The following UGT1A8 variants were observed in gnomAD, a reference collection of about 807,000 sequenced individuals.
UGT1A8 encodes the protein UDP-glucuronosyltransferase 1A8.
In UGT1A8, 39 loss-of-function variants were observed where a neutral mutation model predicts 45.3. The ratio of observed to expected loss-of-function variants is 0.86; its 90% CI spans 0.67 to 1.12. The LOEUF is 1.12. UGT1A8 is among the 50% of genes most tolerant of loss of function. The probability of loss-of-function intolerance (pLI) is 0.00; values close to 1 mark genes in which losing one functional copy is unlikely to be tolerated. For missense variants in UGT1A8, 719 were observed against 664.9 expected (o/e 1.08, Z -0.90); for synonymous variants, 275 against 249.2 (o/e 1.10, Z -0.97).
intron 4 of UGT1A8, among the ~76,000 whole-genome samples, chr2:233,772,038 A>G (rs892272267): frequency 1.3e-5 from 2 of 152,202 alleles, no homozygotes; most frequent in African/African-American, 4.8e-5. Flanking sequence ...GCTTGAGCCC[A>G]GGAGTTGGAG....
intron 1 of UGT1A8, among the ~76,000 whole-genome samples, chr2:233,627,956 A>T (rs1177156453): frequency 6.6e-6 from 1 of 152,020 alleles, no homozygotes; most frequent in African/African-American, 2.4e-5. Context: ...CATGCAATTT[A>T]TTGGAGAGAT....
intron 1 of UGT1A8, among the ~76,000 whole-genome samples, chr2:233,717,100 T>TAAATAAAACACCACTACATGG: frequency 6.6e-6 from 1 of 152,062 alleles, no homozygotes. Flanking sequence ...CATCACTATC[T>TAAATAAAACACCACTACATGG]AAATAAAACA....
intron 1 of UGT1A8, chr2:233,693,716 AAG>A (rs772582251): frequency 6.2e-7 from 1 of 1,614,204 alleles, no homozygotes; most frequent in Non-Finnish European, 8.5e-7. Flanking sequence ...AGCTGTCCTC[AAG>A]AGAGATGTGG....
intron 1 of UGT1A8, among the ~76,000 whole-genome samples, chr2:233,710,213 G>A (rs1438466149): frequency 6.6e-6 from 1 of 152,160 alleles, no homozygotes; most frequent in Non-Finnish European, 1.5e-5. Flanking sequence ...TGGCTATTAT[G>A]AATAAAGCTG....
Position 233,647,066 on chromosome 2 carries a change from C to T in UGT1A8, c.855+28504C>T, listed in dbSNP as rs539623098. Among the ~76,000 whole-genome samples the T allele has an allele frequency of 1.3e-4, 20 of 152,288 alleles. No homozygotes were observed. The South Asian group carries it at 1.4e-3, about 11-fold the overall frequency. On this transcript the variant is annotated intron_variant, in intron 1 of 4. Transcript: ENST00000373450. ...AAGTCACATCCTCCATGGATGGCAG[C>T]AGGCAAAGAAAGAGAGCTTGTGCAG...
At chr2:233,729,259 C>A (rs45625338) in intron 1 of UGT1A8, 1 of 1,613,960 alleles carries the variant, frequency 6.2e-7, no homozygotes, top group Admixed American at 1.7e-5. Context: ...GCTCAGCATG[C>A]GGGAGGTCTT....
chr2:233,729,177 G>C, intron 1 of UGT1A8: 1 of 1,613,894 alleles, frequency 6.2e-7, no homozygotes, highest in Non-Finnish European at 8.5e-7. Flanking sequence ...CAGGACTGCT[G>C]CTTCTCCTCA....
chr2:233,733,547 C>T (rs1401564261), intron 1 of UGT1A8, among the ~76,000 whole-genome samples: 1 of 152,178 alleles, frequency 6.6e-6, no homozygotes, highest in African/African-American at 2.4e-5. Context: ...AAGGCCTTTT[C>T]TGCATCTGTT....
chr2:233,637,723 C>T (rs1486945110), intron 1 of UGT1A8, among the ~76,000 whole-genome samples: 1 of 152,070 alleles, frequency 6.6e-6, no homozygotes, highest in East Asian at 1.9e-4. Flanking sequence ...GTTTTGTGTA[C>T]ATTCTTTTCA....
At chr2:233,660,490 C>T (rs1389816097) in intron 1 of UGT1A8, among the ~76,000 whole-genome samples, 1 of 152,102 alleles carries the variant, frequency 6.6e-6, no homozygotes, top group East Asian at 1.9e-4. Flanking sequence ...AGAGACAAAG[C>T]GTTGGTTTTC....
chr2:233,682,799 T>A (rs749393372), intron 1 of UGT1A8: 1 of 1,609,822 alleles, frequency 6.2e-7, no homozygotes. Flanking sequence ...TATGGTAAGT[T>A]ATCTCCCCTT....
chr2:233,772,436 T>G lies in UGT1A8; in HGVS notation c.1470T>G (p.Gly490=). 6.2e-7 allele frequency: 1 copy of G among 1,614,180 alleles called. No individual in the cohort carries two copies. Among genetic ancestry groups the G allele is most frequent in the Non-Finnish European group, 8.5e-7 (1 of 1,180,036 alleles). Residue 490 remains glycine, a synonymous_variant, in exon 5 of 5, where the codon GGT becomes GGG. Coordinates refer to ENST00000373450, the MANE Select transcript of UGT1A8 (RefSeq NM_019076.5). ...AGTACCATTCCTTGGACGTGATTGGTTTCCTCTTGGCCGTCGTGCTGACAG... is the reference window on the plus strand; with the variant it reads ...AGTACCATTCCTTGGACGTGATTGGGTTCCTCTTGGCCGTCGTGCTGACAG... ...WYQYHSLDVI[G]FLLAVVLTVA...
chr2:233,715,631 G>A (rs1191605021), intron 1 of UGT1A8, among the ~76,000 whole-genome samples: 3 of 151,978 alleles, frequency 2.0e-5, no homozygotes, highest in Non-Finnish European at 4.4e-5. Context: ...AATTATCCAG[G>A]TGTGATGGTG....
intron 1 of UGT1A8, among the ~76,000 whole-genome samples, chr2:233,698,808 C>T (rs1044678643): frequency 1.3e-5 from 2 of 152,216 alleles, no homozygotes; most frequent in African/African-American, 4.8e-5. Flanking sequence ...CTCCCAGCCT[C>T]GCCTTGTGGA....
intron 1 of UGT1A8, among the ~76,000 whole-genome samples, chr2:233,639,764 C>T (rs560412944): frequency 1.3e-5 from 2 of 152,266 alleles, no homozygotes; most frequent in African/African-American, 4.8e-5. Context: ...GGCCCCATCT[C>T]CAATTTCAAC....
chr2:233,718,286 A>G (rs2076644958), intron 1 of UGT1A8, among the ~76,000 whole-genome samples: 1 of 152,248 alleles, frequency 6.6e-6, no homozygotes, highest in Non-Finnish European at 1.5e-5. Context: ...AAAACCAGAT[A>G]GCCAGCCTGA....
intron 1 of UGT1A8, chr2:233,648,775 A>T: frequency 1.2e-6 from 1 of 803,424 alleles, no homozygotes; most frequent in African/African-American, 1.7e-5. Context: ...GGATGCCATG[A>T]CTTTTAAGGA....
At chr2:233,676,103 T>A (rs2074345974) in intron 1 of UGT1A8, among the ~76,000 whole-genome samples, 1 of 152,154 alleles carries the variant, frequency 6.6e-6, no homozygotes. Flanking sequence ...GAAAGAATAG[T>A]CTTTTCAACA....
intron 1 of UGT1A8, among the ~76,000 whole-genome samples, chr2:233,698,826 G>C (rs1354236618): frequency 6.6e-6 from 1 of 152,220 alleles, no homozygotes; most frequent in Non-Finnish European, 1.5e-5. Context: ...GGAAGAGTAA[G>C]GCAGGATCAC....
Sources: allele counts gnomAD v4.1 joint callset (sites outside exome capture counted in the v4.1 genomes callset), GRCh38; gene constraint gnomAD v4.1.1; transcripts MANE v1.5; gene names NCBI Gene and HGNC (gene_info 2026-07-23, HGNC 2026-07-21).